LDAH: variants seen among roughly 807,000 people sequenced by gnomAD.
LDAH encodes lipid droplet associated hydrolase.
A neutral mutation model predicts 29.6 loss-of-function variants in LDAH; 26 were observed. That is an observed-to-expected ratio of 0.88 (90% confidence interval 0.64 to 1.22). The LOEUF (loss-of-function observed/expected upper bound fraction) is 1.22. Ranked by LOEUF, LDAH falls within the 50% of genes most tolerant of loss-of-function variation. The pLI is 0.00. For synonymous variants in LDAH, 117 were observed against 133.0 expected, an observed-to-expected ratio of 0.88 and a Z score of 0.83; for missense variants, 344 against 387.3, an observed-to-expected ratio of 0.89 and a Z score of 0.94.
At chr2:20,715,763 G>A (rs1352568688) in intron 5 of LDAH, among the ~76,000 whole-genome samples, 2 of 152,168 alleles carry the variant, frequency 1.3e-5, no homozygotes, top group East Asian at 1.9e-4. Context: ...CAAATCATGA[G>A]TGAACTCCCA....
At chr2:20,718,813 T>C (rs1665432022) in intron 5 of LDAH, among the ~76,000 whole-genome samples, 1 of 152,130 alleles carries the variant, frequency 6.6e-6, no homozygotes, top group South Asian at 2.1e-4. Context: ...ATATTAAGTA[T>C]ATTTTCTGAC....
Position 20,760,543 on chromosome 2 carries a change from G to A in LDAH, c.468+14267C>T, listed in dbSNP as rs555582204. On this transcript the variant is annotated intron_variant, in intron 4 of 6. Coordinates refer to ENST00000237822, the MANE Select transcript of LDAH (RefSeq NM_021925.4). ...CAGTCTCATCTGAGGCTTGACTGGG[G>A]AAGGATACAAATCACTAAGGTTGTG... is the stretch of plus-strand genomic sequence containing the variant. Among the ~76,000 whole-genome samples, 23 of 152,326 alleles carry A rather than the reference G, an allele frequency of 1.5e-4. No individual in the cohort carries two copies. In the South Asian group the frequency reaches 4.8e-3, roughly 32 times the overall value.
At chr2:20,798,443 T>G (rs907711582) in intron 2 of LDAH, among the ~76,000 whole-genome samples, 2 of 151,944 alleles carry the variant, frequency 1.3e-5, no homozygotes, top group African/African-American at 4.8e-5. Flanking sequence ...AATGAGTGAT[T>G]AAAGCACAAA....
Position 20,685,028 on chromosome 2 carries a change from C to A in LDAH, c.*1875G>T. 6.9e-7 allele frequency: 1 copy of A among 1,440,466 alleles called. No homozygotes were observed. Among genetic ancestry groups the A allele is most frequent in the African/African-American group, 1.4e-5 (1 of 70,366 alleles). 89.2% of individuals were successfully genotyped at this position (1,440,466 alleles called of 1,614,324 possible). The stretch of plus-strand genomic sequence containing the variant: ...TCAAATTGTACCCTCTCTTGCCCAA[C>A]ACAGAGATCAGGCCAGACCAGGTCA... On this transcript the variant is annotated 3_prime_UTR_variant, in exon 7 of 7. Transcript: ENST00000237822.
intron 5 of LDAH, among the ~76,000 whole-genome samples, chr2:20,711,113 T>C (rs944536401): frequency 2.6e-5 from 4 of 151,344 alleles, no homozygotes; most frequent in African/African-American, 9.7e-5. Flanking sequence ...CTTTAAAGAG[T>C]AGAGAAGTGT....
At chr2:20,708,718 T>C (rs1664485640) in intron 5 of LDAH, among the ~76,000 whole-genome samples, 1 of 152,172 alleles carries the variant, frequency 6.6e-6, no homozygotes. Flanking sequence ...CAACTAAAAC[T>C]ATAAAACTCT....
At chr2:20,807,670 A>C (rs1417371137) in intron 1 of LDAH, among the ~76,000 whole-genome samples, 3 of 152,006 alleles carry the variant, frequency 2.0e-5, no homozygotes, top group Non-Finnish European at 4.4e-5. Context: ...GTGAGAAATA[A>C]AGAAATCTTT....
intron 1 of LDAH, among the ~76,000 whole-genome samples, chr2:20,806,991 A>G (rs1415046709): frequency 6.6e-6 from 1 of 151,956 alleles, no homozygotes; most frequent in East Asian, 1.9e-4. Flanking sequence ...AGCAAACCCA[A>G]AAGTTTTTAC....
At chr2:20,703,118 A>C (rs1013609869) in intron 5 of LDAH, among the ~76,000 whole-genome samples, 1 of 152,208 alleles carries the variant, frequency 6.6e-6, no homozygotes, top group Non-Finnish European at 1.5e-5. Flanking sequence ...GAGCCACCGC[A>C]CCCAGCTCCC....
intron 1 of LDAH, among the ~76,000 whole-genome samples, chr2:20,812,364 T>A (rs773984103): frequency 6.6e-6 from 1 of 152,220 alleles, no homozygotes; most frequent in East Asian, 1.9e-4. Context: ...GGAGATTACA[T>A]CCACTTCGAG....
chr2:20,741,187 T>A (rs1367038942), intron 4 of LDAH, among the ~76,000 whole-genome samples: 1 of 152,176 alleles, frequency 6.6e-6, no homozygotes, highest in East Asian at 1.9e-4. Context: ...ATCAGATGTG[T>A]CTTTTCAAAG....
chr2:20,726,748 T>C (rs1666045446), intron 5 of LDAH, among the ~76,000 whole-genome samples: 1 of 152,206 alleles, frequency 6.6e-6, no homozygotes, highest in African/African-American at 2.4e-5. Context: ...GCCAGGACTG[T>C]GGTCATTACG....
rs1471602736 is a variant in LDAH, at chr2:20,732,337, C to T, written c.703+7634G>A. Among the ~76,000 whole-genome samples the T allele has an allele frequency of 1.3e-5, 2 of 151,890 alleles. 1 individual carries two copies. Among genetic ancestry groups the T allele is most frequent in the Non-Finnish European group, 2.9e-5 (2 of 67,958 alleles). The stretch of plus-strand genomic sequence containing the variant: ...CTCTATACTCATAGGGGATACTGGC[C>T]TGTAGTTTCTTCTTTTTTTGTATTA... On this transcript the variant is annotated intron_variant, in intron 5 of 6. Transcript: ENST00000237822.
chr2:20,755,762 A>G (rs766838252), intron 4 of LDAH, among the ~76,000 whole-genome samples: 10 of 152,252 alleles, frequency 6.6e-5, no homozygotes, highest in Non-Finnish European at 1.5e-4. Context: ...TAAAAACAAT[A>G]TAAGTGAAAG....
intron 6 of LDAH, among the ~76,000 whole-genome samples, chr2:20,693,481 G>T (rs907180337): frequency 3.3e-5 from 5 of 152,062 alleles, no homozygotes; most frequent in Non-Finnish European, 7.3e-5. Flanking sequence ...ATATTCCCCA[G>T]ACATGACTGT....
intron 6 of LDAH, among the ~76,000 whole-genome samples, chr2:20,688,183 G>A (rs896258849): frequency 1.3e-5 from 2 of 152,208 alleles, no homozygotes; most frequent in African/African-American, 4.8e-5. Context: ...GAGAGCTCAG[G>A]TGAGGTGCAG....
intron 4 of LDAH, among the ~76,000 whole-genome samples, chr2:20,746,685 A>C (rs58427096): frequency 3.4e-4 from 52 of 152,202 alleles, no homozygotes; most frequent in African/African-American, 1.2e-3. Context: ...ATTGGTAAAA[A>C]AAAAAATCAC....
rs1670792877 is a variant in LDAH at position 20,789,459 on chromosome 2, T to C, written c.298+796A>G. ...TTCCATTTTTAAAAGCTACTTAGTC[T>C]ATGGTATTTTGCTATAGCAGCCCAA... On this transcript the variant is annotated intron_variant, in intron 3 of 6. Transcript: ENST00000237822. 2.1e-6 allele frequency: 3 copies of C among 1,412,026 alleles called. No homozygotes were observed. In the South Asian group the frequency reaches 4.6e-5, roughly 22 times the overall value. The allele number at this position is 1,412,026 out of a possible 1,614,324, so 87.5% of individuals were successfully genotyped here. A position where few individuals can be genotyped will look rare whatever the true frequency, so the allele number is the denominator to read the frequency against.
chr2:20,807,124 A>T (rs1209365956), intron 1 of LDAH, among the ~76,000 whole-genome samples: 2 of 152,088 alleles, frequency 1.3e-5, no homozygotes, highest in African/African-American at 4.8e-5. Flanking sequence ...AAAAATAATA[A>T]ACAAATATGA....
Sources: gnomAD v4.1 joint callset for allele counts (sites outside exome capture counted in the v4.1 genomes callset) on GRCh38, gnomAD v4.1.1 for gene constraint, MANE v1.5 for transcripts, NCBI Gene and HGNC (gene_info 2026-07-23, HGNC 2026-07-21) for gene names.